ZNF280B: variants seen among roughly 807,000 people sequenced by gnomAD.
The protein encoded by ZNF280B is zinc finger protein 280B.
In ZNF280B, 16 loss-of-function variants were observed where a neutral mutation model predicts 38.0. The ratio of observed to expected loss-of-function variants is 0.42; its 90% CI spans 0.28 to 0.64. The LOEUF (loss-of-function observed/expected upper bound fraction) is 0.64. Among genes scored for constraint, ZNF280B ranks in the 30% least tolerant of loss-of-function variants. ZNF280B has a pLI of 0.21. For missense variants in ZNF280B, 581 were observed against 639.6 expected, an observed-to-expected ratio of 0.91 and a Z score of 0.99; for synonymous variants, 253 against 230.6, an observed-to-expected ratio of 1.10 and a Z score of -0.88.
chr22:22,498,346 T>C (rs1169574586), intron 2 of ZNF280B, among the ~76,000 whole-genome samples: 1 of 151,958 alleles, frequency 6.6e-6, no homozygotes, highest in African/African-American at 2.4e-5. Context: ...AAATGACTGA[T>C]GTTATGTGAC....
chr22:22,494,704 A>G (rs966937619), intron 2 of ZNF280B, among the ~76,000 whole-genome samples: 8 of 151,868 alleles, frequency 5.3e-5, no homozygotes, highest in African/African-American at 1.9e-4. Context: ...GATTATTTCT[A>G]TGCATTCAAA....
chr22:22,507,658 G>A, intron 2 of ZNF280B, among the ~76,000 whole-genome samples, 152 bp downstream of exon 2: 1 of 150,940 alleles, frequency 6.6e-6, no homozygotes, highest in South Asian at 2.1e-4. Flanking sequence ...ATCAACAATT[G>A]GCCTGAACTA....
In ZNF280B at chr22:22,487,590, A is replaced by C; in HGVS notation, c.*177T>G. On this transcript the variant is annotated 3_prime_UTR_variant, in exon 4 of 4. Transcript: ENST00000626650. ...CATGAAAACCAGATGTTTTAAAATA[A>C]TACCTCAAAATTCAGATCAAATAAT... 1.9e-6 allele frequency: 1 copy of C among 532,688 alleles called. No individual in the cohort carries two copies. Among genetic ancestry groups the C allele is most frequent in the Middle Eastern group, 5.0e-4 (1 of 2,010 alleles). The allele number at this position is 532,688 out of a possible 1,614,324, so 33.0% of individuals were successfully genotyped here. A position where few individuals can be genotyped will look rare whatever the true frequency, so the allele number is the denominator to read the frequency against.
chr22:22,504,944 CA>C (rs1222770697), intron 2 of ZNF280B, among the ~76,000 whole-genome samples: 1 of 151,948 alleles, frequency 6.6e-6, no homozygotes, highest in African/African-American at 2.4e-5. Context: ...TCTTTCACTT[CA>C]GGGAGCTGAC....
intron 3 of ZNF280B, among the ~76,000 whole-genome samples, chr22:22,490,047 G>A (rs939433180): frequency 1.3e-4 from 19 of 151,766 alleles, no homozygotes; most frequent in African/African-American, 4.1e-4. Context: ...ATAGAAAAGA[G>A]GTATTAAATT....
intron 2 of ZNF280B, among the ~76,000 whole-genome samples, chr22:22,501,457 G>A (rs1043931982): frequency 3.3e-5 from 5 of 151,802 alleles, no homozygotes; most frequent in East Asian, 2.0e-4. Flanking sequence ...GCAGCTACTC[G>A]AGAGGCTGAG....
In ZNF280B at chr22:22,508,717, C is replaced by G. The variant is rs529554506; in HGVS notation, c.-306G>C. 2 of 152,040 alleles carry G rather than the reference C, an allele frequency of 1.3e-5. No individual in the cohort carries two copies. Among genetic ancestry groups the G allele is most frequent in the African/African-American group, 4.8e-5 (2 of 41,498 alleles). 9.4% of individuals were successfully genotyped at this position (152,040 alleles called of 1,614,324 possible). A position where few individuals can be genotyped will look rare whatever the true frequency, so the allele number is the denominator to read the frequency against. On this transcript the variant is annotated 5_prime_UTR_variant, in exon 1 of 4. Coordinates refer to ENST00000626650, the MANE Select transcript of ZNF280B (RefSeq NM_080764.4). ...GCCACGCACCAGCCCCGGAGGCGCT[C>G]CCGGGGCACAGCCGGCGGCGACTAC... is the stretch of plus-strand genomic sequence containing the variant.
chr22:22,496,245 C>T (rs924046188), intron 2 of ZNF280B, among the ~76,000 whole-genome samples: 27 of 151,070 alleles, frequency 1.8e-4, no homozygotes, highest in African/African-American at 6.6e-4. Context: ...TATAGGTGTG[C>T]GCCACCATGC....
chr22:22,501,414 A>C (rs1267906755), intron 2 of ZNF280B, among the ~76,000 whole-genome samples: 1 of 151,414 alleles, frequency 6.6e-6, no homozygotes, highest in Non-Finnish European at 1.5e-5. Flanking sequence ...AAAATACAAA[A>C]ATTAGCCGGC....
chr22:22,503,611 T>C (rs2061871430), intron 2 of ZNF280B, among the ~76,000 whole-genome samples: 1 of 151,976 alleles, frequency 6.6e-6, no homozygotes. Context: ...GATGGAACAG[T>C]TATATCTCCT....
chr22:22,506,288 G>A (rs1359007395), intron 2 of ZNF280B, among the ~76,000 whole-genome samples: 2 of 151,704 alleles, frequency 1.3e-5, no homozygotes, highest in African/African-American at 4.8e-5. Context: ...AGGTCATGGA[G>A]ATGAGAAGGA....
intron 2 of ZNF280B, among the ~76,000 whole-genome samples, chr22:22,502,766 TGAA>T (rs1012147082): frequency 2.6e-5 from 4 of 151,934 alleles, no homozygotes; most frequent in Non-Finnish European, 5.9e-5. Context: ...ATGGGCTCGA[TGAA>T]GAAGAATGAA....
intron 2 of ZNF280B, among the ~76,000 whole-genome samples, chr22:22,505,479 T>C (rs150103311): frequency 0.02 from 3,009 of 151,760 alleles, 114 homozygotes; most frequent in African/African-American, 0.068. Context: ...GGCAGGAGAA[T>C]TGCTTGAACC....
intron 2 of ZNF280B, among the ~76,000 whole-genome samples, chr22:22,496,246 G>A (rs923771849): frequency 2.0e-5 from 3 of 149,464 alleles, no homozygotes; most frequent in Admixed American, 6.7e-5. Flanking sequence ...ATAGGTGTGC[G>A]CCACCATGCC....
At position 22,485,596 on chromosome 22, in the gene ZNF280B, C is replaced by T. The variant is rs1310318944; in HGVS notation, c.*2171G>A. The T allele has an allele frequency of 6.6e-6, 1 of 151,920 alleles. No individual in the cohort carries two copies. Among genetic ancestry groups the T allele is most frequent in the Non-Finnish European group, 1.5e-5 (1 of 68,010 alleles). The allele number at this position is 151,920 out of a possible 1,614,324, so 9.4% of individuals were successfully genotyped here. A position where few individuals can be genotyped will look rare whatever the true frequency, so the allele number is the denominator to read the frequency against. The stretch of plus-strand genomic sequence containing the variant: ...TAAAATGTAGATAATATACTCACAA[C>T]TTCTTTGTTATCTGTACTGCCTTCT... On this transcript the variant is annotated 3_prime_UTR_variant, in exon 4 of 4. Coordinates refer to ENST00000626650, the MANE Select transcript of ZNF280B (RefSeq NM_080764.4).
intron 2 of ZNF280B, among the ~76,000 whole-genome samples, chr22:22,498,118 T>C (rs2061738403): frequency 6.6e-6 from 1 of 151,990 alleles, no homozygotes; most frequent in African/African-American, 2.4e-5. Flanking sequence ...TCATATATTG[T>C]ATGATTTCAT....
Position 22,489,201 on chromosome 22 carries a change from C to G in ZNF280B, c.198G>C (p.Pro66=). 1 of 1,613,552 alleles carries G rather than the reference C, an allele frequency of 6.2e-7. No homozygotes were observed. Among genetic ancestry groups the G allele is most frequent in the Non-Finnish European group, 8.5e-7 (1 of 1,179,888 alleles). The stretch of plus-strand genomic sequence containing the variant: ...ACTTTTTTCTCCTTGACCATGAACC[C>G]GGGGTGACTCTGTTCAAAATGTTTG... ...VVSNILNRVT[P]GSWSRRKKYD... Residue 66 remains proline, a synonymous_variant, in exon 4 of 4, where the codon CCG becomes CCC. Transcript: ENST00000626650.
chr22:22,488,026 C>G lies in ZNF280B; in HGVS notation c.1373G>C (p.Ser458Thr). ...MCHYRGHWGK[S>T]AHQCSKCRLQ... ...CCGGCACTTGGAACACTGGTGTGCA[C>G]TCTTTCCCCAGTGGCCCCTATAATG... The change falls in exon 4 of 4, where the codon AGT becomes ACT. Residue 458 changes from serine to threonine, a missense_variant. Transcript: ENST00000626650. 1.2e-6 allele frequency: 2 copies of G among 1,613,902 alleles called. No homozygotes were observed. Among genetic ancestry groups the G allele is most frequent in the Non-Finnish European group, 1.7e-6 (2 of 1,179,974 alleles).
intron 3 of ZNF280B, among the ~76,000 whole-genome samples, chr22:22,491,457 C>CTTTTTTT (rs55720546): frequency 4.5e-4 from 51 of 113,952 alleles, no homozygotes; most frequent in Non-Finnish European, 6.2e-4. Context: ...TGTCTTTTTT[C>CTTTTTTT]TTTTTTTTTT....
Sources: gnomAD v4.1 joint callset for allele counts (sites outside exome capture counted in the v4.1 genomes callset) on GRCh38, gnomAD v4.1.1 for gene constraint, MANE v1.5 for transcripts, NCBI Gene and HGNC (gene_info 2026-07-23, HGNC 2026-07-21) for gene names.